ERC1: variants seen among roughly 807,000 people sequenced by gnomAD.
ERC1 encodes the protein ELKS/RAB6-interacting/CAST family member 1.
A neutral mutation model predicts 132.0 loss-of-function variants in ERC1; 56 were observed. The ratio of observed to expected loss-of-function variants is 0.42; its 90% CI spans 0.34 to 0.53. The LOEUF (loss-of-function observed/expected upper bound fraction) is 0.53, where lower values mean the gene tolerates loss of function less well. ERC1 is among the 20% of genes least tolerant of loss of function. ERC1 has a pLI of 0.03. For synonymous variants in ERC1, 478 were observed against 476.1 expected (o/e 1.00, Z -0.05); for missense variants, 1,202 against 1,349.9 (o/e 0.89, Z 1.72).
At chr12:1,142,403 A>T (rs1235523668) in intron 8 of ERC1, among the ~76,000 whole-genome samples, 1 of 152,216 alleles carries the variant, frequency 6.6e-6, no homozygotes, top group Non-Finnish European at 1.5e-5. Context: ...TTTGCTAAAA[A>T]TTTCTTCCTT....
In ERC1 at chr12:1,276,400, G is replaced by A. The variant is rs367632311; in HGVS notation, c.2619+13235G>A. Among the ~76,000 whole-genome samples the A allele has an allele frequency of 3.0e-4, 45 of 151,936 alleles. 1 individual carries two copies. Among genetic ancestry groups the A allele is most frequent in the African/African-American group, 1.1e-3 (45 of 41,470 alleles). On this transcript the variant is annotated intron_variant, in intron 14 of 18. Transcript: ENST00000360905. ...TTACAGGCGCCCGCCACCATGCCCA[G>A]CTAATTTTTTGTTATTTTTAGTAGA...
At chr12:1,127,358 G>A (rs1020755294) in intron 7 of ERC1, among the ~76,000 whole-genome samples, 5 of 152,106 alleles carry the variant, frequency 3.3e-5, no homozygotes, top group African/African-American at 1.2e-4. Context: ...TATTATTTGT[G>A]GGAAGAAGGA....
intron 12 of ERC1, among the ~76,000 whole-genome samples, chr12:1,200,713 C>T (rs1956831822): frequency 6.6e-6 from 1 of 152,152 alleles, no homozygotes; most frequent in Non-Finnish European, 1.5e-5. Context: ...CGCCCGCCAC[C>T]ACAGCCGGCT....
At chr12:1,332,130 T>C (rs567773051) in intron 15 of ERC1, among the ~76,000 whole-genome samples, 1 of 152,340 alleles carries the variant, frequency 6.6e-6, no homozygotes, top group South Asian at 2.1e-4. Context: ...TTACTCTGTA[T>C]TTTTTATCTC....
chr12:1,379,765 T>G (rs1030349176), intron 16 of ERC1, among the ~76,000 whole-genome samples: 2 of 152,034 alleles, frequency 1.3e-5, no homozygotes, highest in Non-Finnish European at 2.9e-5. Context: ...GCAACCAAAA[T>G]GGAATTTGCA....
chr12:1,470,669 G>C (rs1185956007), intron 18 of ERC1, among the ~76,000 whole-genome samples: 1 of 152,120 alleles, frequency 6.6e-6, no homozygotes, highest in African/African-American at 2.4e-5. Flanking sequence ...TAATAGATTT[G>C]TAAGAAATAA....
chr12:1,469,406 ACTCT>A (rs1482202603), intron 18 of ERC1, among the ~76,000 whole-genome samples: 2 of 151,412 alleles, frequency 1.3e-5, no homozygotes, highest in Non-Finnish European at 2.9e-5. Flanking sequence ...TGTGGAGCTC[ACTCT>A]CTCCCTTGGC....
intron 16 of ERC1, among the ~76,000 whole-genome samples, chr12:1,400,908 A>ATTTTTTTTT (rs2090967822): frequency 1.4e-4 from 6 of 43,404 alleles, no homozygotes; most frequent in Admixed American, 2.6e-4. Flanking sequence ...TGTTTTGGCT[A>ATTTTTTTTT]TTTTTGTATT....
Position 1,280,734 on chromosome 12 carries a change from T to C in ERC1, c.2620-9118T>C, listed in dbSNP as rs138127398. Among the ~76,000 whole-genome samples the C allele has an allele frequency of 3.0e-3, 459 of 152,330 alleles. 1 individual carries two copies. Among genetic ancestry groups the C allele is most frequent in the Admixed American group, 6.4e-3 (98 of 15,300 alleles). The stretch of plus-strand genomic sequence containing the variant: ...CACCAGACATGCGCAAACATACACG[T>C]ATCATATATGCACATACATACACAT... On this transcript the variant is annotated intron_variant, in intron 14 of 18. Transcript: ENST00000360905.
At chr12:1,169,510 A>G (rs7133548) in intron 8 of ERC1, among the ~76,000 whole-genome samples, 33,684 of 151,880 alleles carry the variant, frequency 0.22, 4,395 homozygotes, top group Non-Finnish European at 0.3. Context: ...TTCTCCTCCT[A>G]TCTACTGACT....
intron 8 of ERC1, among the ~76,000 whole-genome samples, chr12:1,149,479 A>G (rs1041379642): frequency 8.5e-5 from 13 of 152,154 alleles, no homozygotes; most frequent in African/African-American, 3.1e-4. Flanking sequence ...GCTCACTGCA[A>G]CCCTTGTGTC....
intron 18 of ERC1, among the ~76,000 whole-genome samples, chr12:1,464,957 G>A (rs187893474): frequency 6.6e-6 from 1 of 152,062 alleles, no homozygotes; most frequent in East Asian, 1.9e-4. Context: ...AGCATTTATG[G>A]AGATCTTAGT....
At position 1,122,600 on chromosome 12, in the gene ERC1, T is replaced by A. The variant is rs1407815141; in HGVS notation, c.1569+6567T>A. Among the ~76,000 whole-genome samples, 8 of 62,424 alleles carry A rather than the reference T, an allele frequency of 1.3e-4. 3 individuals carry two copies. Among genetic ancestry groups the A allele is most frequent in the South Asian group, 8.8e-4 (1 of 1,140 alleles). 41.0% of individuals were successfully genotyped at this position (62,424 alleles called of 152,430 possible). A position where few individuals can be genotyped will look rare whatever the true frequency, so the allele number is the denominator to read the frequency against. ...CTATCTCTATCTCTATCTCTATCTG[T>A]GTCTCTATCTCTATCTCTATCTGTG... On this transcript the variant is annotated intron_variant, in intron 7 of 18. Coordinates refer to ENST00000360905, the MANE Select transcript of ERC1 (RefSeq NM_178040.4).
chr12:1,464,872 TTTAAA>T (rs1169321602), intron 18 of ERC1, among the ~76,000 whole-genome samples: 1 of 152,056 alleles, frequency 6.6e-6, no homozygotes, highest in Non-Finnish European at 1.5e-5. Flanking sequence ...CACTGGACTC[TTTAAA>T]AAAGAGTCCT....
chr12:1,296,937 C>T lies in ERC1; in HGVS notation c.2780+6925C>T, dbSNP rs112738424. 7.8e-4 allele frequency among the ~76,000 whole-genome samples: 119 copies of T among 152,198 alleles called. 2 individuals carry two copies. Among genetic ancestry groups the T allele is most frequent in the African/African-American group, 2.7e-3 (111 of 41,526 alleles). ...AAAGACAGTTTTTAAAAATGGCCAACATATTTCTATAATTTAATTTGAAAC... is the reference window on the plus strand; with the variant it reads ...AAAGACAGTTTTTAAAAATGGCCAATATATTTCTATAATTTAATTTGAAAC... On this transcript the variant is annotated intron_variant, in intron 15 of 18. Transcript: ENST00000360905.
intron 18 of ERC1, among the ~76,000 whole-genome samples, chr12:1,482,447 G>T (rs112696533): frequency 0.012 from 1,749 of 151,678 alleles, 14 homozygotes; most frequent in African/African-American, 0.038. Flanking sequence ...TTTTGTTTGT[G>T]TTTTTTTTGT....
chr12:1,179,825 A>C (rs1324795611), intron 8 of ERC1, among the ~76,000 whole-genome samples: 2 of 149,540 alleles, frequency 1.3e-5, no homozygotes, highest in African/African-American at 4.9e-5. Flanking sequence ...CTTCATATCC[A>C]TAGTGTCTGG....
intron 12 of ERC1, among the ~76,000 whole-genome samples, chr12:1,196,872 CTCTCTCTG>C (rs1451711450): frequency 3.4e-5 from 5 of 147,656 alleles, no homozygotes; most frequent in South Asian, 2.2e-4. Flanking sequence ...CTCTCTCTCT[CTCTCTCTG>C]TCTGTCTGTC....
At chr12:1,205,399 G>C (rs865890671) in intron 12 of ERC1, among the ~76,000 whole-genome samples, 70 of 129,360 alleles carry the variant, frequency 5.4e-4, no homozygotes, top group Middle Eastern at 7.9e-3. Context: ...ATATATATCT[G>C]TGTGTGTGTG....
Sources: gnomAD v4.1 joint callset for allele counts (sites outside exome capture counted in the v4.1 genomes callset) on GRCh38, gnomAD v4.1.1 for gene constraint, MANE v1.5 for transcripts, NCBI Gene and HGNC (gene_info 2026-07-23, HGNC 2026-07-21) for gene names.